The following SLC25A21 variants were observed in gnomAD, a reference collection of about 807,000 sequenced individuals.
The protein encoded by SLC25A21 is solute carrier family 25 member 21.
SLC25A21 carries 47 observed loss-of-function variants against 43.8 expected under a neutral mutation model. The observed-to-expected ratio is 1.07, with a 90% CI of 0.85 to 1.37. SLC25A21 has a LOEUF of 1.37. SLC25A21 is among the 40% of genes most tolerant of loss of function. SLC25A21 has a pLI of 0.00. For synonymous variants in SLC25A21, 131 were observed against 121.3 expected, an observed-to-expected ratio of 1.08 and a Z score of -0.52; for missense variants, 352 against 350.2, an observed-to-expected ratio of 1.00 and a Z score of -0.04.
intron 3 of SLC25A21, among the ~76,000 whole-genome samples, chr14:36,758,233 A>AGAAGAAGTGAACTGGGGCTCTAC (rs1886007259): frequency 6.6e-6 from 1 of 152,108 alleles, no homozygotes; most frequent in Non-Finnish European, 1.5e-5. Flanking sequence ...AGTGTTTTCC[A>AGAAGAAGTGAACTGGGGCTCTAC]GAAGAAGTGA....
chr14:36,812,141 C>A (rs185934060), intron 3 of SLC25A21, among the ~76,000 whole-genome samples: 97 of 152,152 alleles, frequency 6.4e-4, no homozygotes, highest in Middle Eastern at 3.4e-3. Context: ...AGAAATGATA[C>A]CTAATGATAT....
At chr14:36,976,236 G>A (rs927286794) in intron 1 of SLC25A21, among the ~76,000 whole-genome samples, 3 of 152,036 alleles carry the variant, frequency 2.0e-5, no homozygotes, top group Non-Finnish European at 4.4e-5. Flanking sequence ...ATGAAATAAC[G>A]GTAGGCAGGT....
intron 3 of SLC25A21, among the ~76,000 whole-genome samples, chr14:36,764,534 CAAA>C (rs200286612): frequency 3.6e-4 from 35 of 96,098 alleles, no homozygotes; most frequent in African/African-American, 1.1e-3. Flanking sequence ...ACCCACACTC[CAAA>C]AAAAAAAAAA....
At chr14:36,731,611 G>A (rs571409977) in intron 4 of SLC25A21, among the ~76,000 whole-genome samples, 1 of 152,298 alleles carries the variant, frequency 6.6e-6, no homozygotes, top group African/African-American at 2.4e-5. Context: ...GGCTGCTGAA[G>A]CTTTCCAGTC....
intron 6 of SLC25A21, among the ~76,000 whole-genome samples, chr14:36,719,763 T>G (rs569626298): frequency 6.1e-4 from 93 of 152,224 alleles, no homozygotes; most frequent in Non-Finnish European, 1.1e-3. Context: ...TCACCACATT[T>G]TAAATTCACA....
chr14:36,739,245 C>T (rs1289646712), intron 3 of SLC25A21, among the ~76,000 whole-genome samples: 1 of 152,128 alleles, frequency 6.6e-6, no homozygotes, highest in African/African-American at 2.4e-5. Context: ...ACTGATAGAA[C>T]TGGTCTAAGA....
At chr14:36,749,861 T>G (rs1290207175) in intron 3 of SLC25A21, among the ~76,000 whole-genome samples, 1 of 152,206 alleles carries the variant, frequency 6.6e-6, no homozygotes, top group Non-Finnish European at 1.5e-5. Context: ...TCTGAGTCCT[T>G]TCTATTCCTT....
At chr14:36,891,735 G>C (rs1420453304) in intron 1 of SLC25A21, among the ~76,000 whole-genome samples, 1 of 152,082 alleles carries the variant, frequency 6.6e-6, no homozygotes, top group East Asian at 1.9e-4. Flanking sequence ...GGATAGGAGA[G>C]GCAGAGCGCG....
chr14:36,698,911 T>C (rs181881130), intron 7 of SLC25A21, among the ~76,000 whole-genome samples: 1 of 152,274 alleles, frequency 6.6e-6, no homozygotes, highest in East Asian at 1.9e-4. Context: ...CTGAAGCCAC[T>C]TCTCTTCTGT....
Position 36,963,355 on chromosome 14 carries a change from T to A in SLC25A21, c.71-88351A>T, listed in dbSNP as rs929375133. On this transcript the variant is annotated intron_variant, in intron 1 of 9. Coordinates refer to ENST00000331299, the MANE Select transcript of SLC25A21 (RefSeq NM_030631.4). The stretch of plus-strand genomic sequence containing the variant: ...TAAAATGGCCCTCCCCAGATTATAG[T>A]GATTCTGAACAGCATGTTAGCAAAG... 4.6e-5 allele frequency among the ~76,000 whole-genome samples: 7 copies of A among 152,172 alleles called. No individual in the cohort carries two copies. In the East Asian group the frequency reaches 1.3e-3, roughly 29 times the overall value.
intron 3 of SLC25A21, among the ~76,000 whole-genome samples, chr14:36,801,771 G>A (rs974100615): frequency 4.6e-5 from 7 of 151,952 alleles, no homozygotes; most frequent in Admixed American, 3.9e-4. Context: ...TTTTTTAATC[G>A]ACTGGAGTAT....
intron 1 of SLC25A21, among the ~76,000 whole-genome samples, chr14:36,895,191 G>A (rs1476341790): frequency 6.6e-6 from 1 of 152,208 alleles, no homozygotes; most frequent in Non-Finnish European, 1.5e-5. Flanking sequence ...CGGTTGGTAA[G>A]CTATTAATTA....
At chr14:37,119,616 C>A (rs946728284) in intron 1 of SLC25A21, among the ~76,000 whole-genome samples, 1 of 152,042 alleles carries the variant, frequency 6.6e-6, no homozygotes. Context: ...TTGAGCAGCC[C>A]ACGCCGCTGC....
At chr14:36,706,306 T>C (rs1883562227) in intron 7 of SLC25A21, among the ~76,000 whole-genome samples, 1 of 152,212 alleles carries the variant, frequency 6.6e-6, no homozygotes, top group South Asian at 2.1e-4. Context: ...GTTTTAATCT[T>C]CAAAACAATC....
At chr14:37,030,940 A>T (rs1159429396) in intron 1 of SLC25A21, among the ~76,000 whole-genome samples, 1 of 152,172 alleles carries the variant, frequency 6.6e-6, no homozygotes, top group African/African-American at 2.4e-5. Context: ...TTCCTTTATC[A>T]TTCACTTTTA....
chr14:36,684,695 C>G, intron 8 of SLC25A21, 49 bp downstream of exon 8: 1 of 1,525,040 alleles, frequency 6.6e-7, no homozygotes, highest in East Asian at 2.3e-5. Context: ...ACGGTTCTAA[C>G]AATACGTGAG....
At chr14:36,878,315 A>G (rs975635631) in intron 1 of SLC25A21, among the ~76,000 whole-genome samples, 11 of 152,184 alleles carry the variant, frequency 7.2e-5, no homozygotes, top group African/African-American at 2.7e-4. Context: ...GTGATTATTT[A>G]TTCACTGTTA....
At chr14:36,957,692 G>A (rs1044922079) in intron 1 of SLC25A21, among the ~76,000 whole-genome samples, 3 of 152,206 alleles carry the variant, frequency 2.0e-5, no homozygotes, top group South Asian at 2.1e-4. Context: ...AAATGCAGCC[G>A]CTGGTGTAAA....
intron 1 of SLC25A21, among the ~76,000 whole-genome samples, chr14:36,893,303 T>C (rs1281549390): frequency 6.6e-6 from 1 of 152,224 alleles, no homozygotes; most frequent in Non-Finnish European, 1.5e-5. Context: ...TGGCCAGTGA[T>C]GGTGAGCATT....
Sources: allele counts gnomAD v4.1 joint callset (sites outside exome capture counted in the v4.1 genomes callset), GRCh38; gene constraint gnomAD v4.1.1; transcripts MANE v1.5; gene names NCBI Gene and HGNC (gene_info 2026-07-23, HGNC 2026-07-21).